The following JPH3 variants were observed in gnomAD, a reference collection of about 807,000 sequenced individuals.
The protein encoded by JPH3 is junctophilin 3.
JPH3 carries 11 observed loss-of-function variants against 59.6 expected under a neutral mutation model. The ratio of observed to expected loss-of-function variants is 0.18; its 90% CI spans 0.12 to 0.31. The LOEUF (loss-of-function observed/expected upper bound fraction) is 0.31. Ranked by LOEUF, JPH3 falls within the 10% of genes least tolerant of loss-of-function variation. The pLI is 1.00. For synonymous variants in JPH3, 673 were observed against 483.6 expected (o/e 1.39, Z -5.14); for missense variants, 1,202 against 1,105.7 (o/e 1.09, Z -1.24).
chr16:87,658,135 C>G (rs1075572), intron 2 of JPH3, among the ~76,000 whole-genome samples: 3 of 151,948 alleles, frequency 2.0e-5, no homozygotes, highest in South Asian at 2.1e-4. Flanking sequence ...TTAATGGGCC[C>G]AACACCAACC....
At chr16:87,671,027 GCC>G (rs1263134981) in intron 2 of JPH3, among the ~76,000 whole-genome samples, 1 of 152,204 alleles carries the variant, frequency 6.6e-6, no homozygotes, top group African/African-American at 2.4e-5. Context: ...TGGGGCTGTG[GCC>G]CGTACAGTCG....
chr16:87,689,450 T>G (rs1001189699), intron 3 of JPH3, among the ~76,000 whole-genome samples, 196 bp from the exon 4 acceptor site: 9 of 151,928 alleles, frequency 5.9e-5, no homozygotes, highest in African/African-American at 1.7e-4. Context: ...GTCTGTGGGG[T>G]GGGGACCACG....
At position 87,602,968 on chromosome 16, in the gene JPH3, T is replaced by C; in HGVS notation, c.-179T>C. The C allele has an allele frequency of 3.3e-6, 2 of 603,748 alleles. No homozygotes were observed. Among genetic ancestry groups the C allele is most frequent in the Non-Finnish European group, 5.5e-6 (2 of 362,018 alleles). The allele number at this position is 603,748 out of a possible 1,614,324, so 37.4% of individuals were successfully genotyped here. ...AAAGGAATAATCGCCCCCGATTGAC[T>C]GAAATTCCTCCGGAGCCGGCGCCGC... On this transcript the variant is annotated 5_prime_UTR_variant, in exon 1 of 5. Coordinates refer to ENST00000284262, the MANE Select transcript of JPH3 (RefSeq NM_020655.4).
intron 4 of JPH3, chr16:87,696,130 G>A (rs1423546266): frequency 4.4e-6 from 2 of 458,462 alleles, no homozygotes; most frequent in Non-Finnish European, 8.7e-6. Flanking sequence ...GGGCCTCTCT[G>A]CTGGGCTGCA....
chr16:87,688,912 G>A (rs904682890), intron 3 of JPH3, among the ~76,000 whole-genome samples: 48 of 152,188 alleles, frequency 3.2e-4, no homozygotes, highest in African/African-American at 1.1e-3. Context: ...GGGGGCTCAC[G>A]GAGCTCCGGA....
chr16:87,662,762 C>G lies in JPH3; in HGVS notation c.1160+17727C>G, dbSNP rs556852222. Among the ~76,000 whole-genome samples, 13 of 152,368 alleles carry G rather than the reference C, an allele frequency of 8.5e-5. No homozygotes were observed. The South Asian group carries it at 1.9e-3, about 22-fold the overall frequency. ...GAAGTTAAAATGTAGCTCAGACCCT[C>G]CTCAGCCCCCACGCAGGGTTGCAAC... is the stretch of plus-strand genomic sequence containing the variant. On this transcript the variant is annotated intron_variant, in intron 2 of 4. Transcript: ENST00000284262.
chr16:87,615,844 G>A (rs1297463033), intron 1 of JPH3, among the ~76,000 whole-genome samples: 1 of 152,226 alleles, frequency 6.6e-6, no homozygotes, highest in Non-Finnish European at 1.5e-5. Context: ...GACCGGGTCT[G>A]TTGGGGTCAG....
chr16:87,644,233 C>T (rs1403657446), intron 1 of JPH3, 25 bp from the exon 2 acceptor site: 3 of 1,582,010 alleles, frequency 1.9e-6, no homozygotes, highest in Admixed American at 1.7e-5. Context: ...GCTGGGCACT[C>T]ACCCCTCTCT....
At chr16:87,616,287 G>A (rs1289520124) in intron 1 of JPH3, among the ~76,000 whole-genome samples, 2 of 150,354 alleles carry the variant, frequency 1.3e-5, no homozygotes, top group Non-Finnish European at 3.0e-5. Context: ...AGGCGGGAGA[G>A]CAGTGGCGCG....
At position 87,603,427 on chromosome 16, in the gene JPH3, G is replaced by C; in HGVS notation, c.281G>C (p.Arg94Pro). The part of the protein sequence containing the change: ...KGEWTHGFKG[R>P]YGVRECAGNG... ...GAGTGGACGCACGGATTCAAGGGGCGCTACGGGGTGCGGGAGTGCGCGGGC... is the reference window on the plus strand; with the variant it reads ...GAGTGGACGCACGGATTCAAGGGGCCCTACGGGGTGCGGGAGTGCGCGGGC... The change falls in exon 1 of 5, where the codon CGC (arginine) becomes CCC (proline). Residue 94 changes from arginine (R) to proline (P), a missense_variant. Coordinates refer to ENST00000284262, the MANE Select transcript of JPH3 (RefSeq NM_020655.4). 1.3e-6 allele frequency: 2 copies of C among 1,577,672 alleles called. No individual in the cohort carries two copies. The highest frequency in any genetic ancestry group is 8.6e-7 in the Non-Finnish European group (1 of 1,162,354).
intron 2 of JPH3, among the ~76,000 whole-genome samples, chr16:87,680,408 C>A (rs1464288404): frequency 1.5e-5 from 2 of 134,020 alleles, no homozygotes; most frequent in Admixed American, 1.5e-4. Flanking sequence ...TGGTGGGCAG[C>A]CTGGCTGTGC....
At chr16:87,687,265 C>T (rs1273125758) in intron 3 of JPH3, among the ~76,000 whole-genome samples, 2 of 152,132 alleles carry the variant, frequency 1.3e-5, no homozygotes, top group Non-Finnish European at 2.9e-5. Context: ...CAGAACAGAG[C>T]CTCCAAGAGG....
rs555567489 is a variant in JPH3, at chr16:87,697,489, G to T, written c.*829G>T. 1 of 152,420 alleles carries T rather than the reference G, an allele frequency of 6.6e-6. No homozygotes were observed. The allele number at this position is 152,420 out of a possible 1,614,324, so 9.4% of individuals were successfully genotyped here. A position where few individuals can be genotyped will look rare whatever the true frequency, so the allele number is the denominator to read the frequency against. ...GGGGCTGTGCCGTGGAGCTGGGCTC[G>T]CGCCGGGGCTCTGGGTGTGTGCGCT... On this transcript the variant is annotated 3_prime_UTR_variant, in exon 5 of 5. Transcript: ENST00000284262.
chr16:87,686,142 A>G (rs2033411325), intron 3 of JPH3, among the ~76,000 whole-genome samples: 1 of 152,166 alleles, frequency 6.6e-6, no homozygotes, highest in African/African-American at 2.4e-5. Flanking sequence ...AACTTCCAGA[A>G]ACACGAGTTT....
chr16:87,696,872 A>T lies in JPH3; in HGVS notation c.*212A>T, dbSNP rs551657954. On this transcript the variant is annotated 3_prime_UTR_variant, in exon 5 of 5. Transcript: ENST00000284262. ...ATTTTAGCCAAAATTCTTTGCTTGT[A>T]TAACACTCTGCTGTGTGGCATGGCA... 5.3e-6 allele frequency: 3 copies of T among 564,364 alleles called. No individual in the cohort carries two copies. The highest frequency in any genetic ancestry group is 9.6e-6 in the Non-Finnish European group (3 of 312,692). 35.0% of individuals were successfully genotyped at this position (564,364 alleles called of 1,614,324 possible).
Position 87,696,618 on chromosome 16 carries a change from C to T in JPH3, c.2205C>T (p.Leu735=). ...APILVVMVIL[L]NIGVAILFIN... ...TCCTGGTGGTCATGGTGATCTTGCT[C>T]AACATCGGAGTCGCCATTCTGTTTA... The change falls in exon 5 of 5, where the codon CTC becomes CTT. Residue 735 remains leucine, a synonymous_variant. Transcript: ENST00000284262. The T allele has an allele frequency of 1.2e-6, 2 of 1,613,682 alleles. No homozygotes were observed. Among genetic ancestry groups the T allele is most frequent in the African/African-American group, 1.3e-5 (1 of 75,024 alleles).
intron 1 of JPH3, among the ~76,000 whole-genome samples, chr16:87,621,959 A>G (rs984273903): frequency 1.3e-5 from 2 of 152,142 alleles, no homozygotes; most frequent in African/African-American, 4.8e-5. Flanking sequence ...ATGGTTGGTG[A>G]TCGTGGGTGG....
intron 2 of JPH3, among the ~76,000 whole-genome samples, chr16:87,660,716 C>T (rs971226658): frequency 6.6e-6 from 1 of 152,220 alleles, no homozygotes; most frequent in Admixed American, 6.5e-5. Context: ...GACCCCCAAT[C>T]ACACTGTCAT....
intron 2 of JPH3, among the ~76,000 whole-genome samples, chr16:87,662,149 C>G (rs1043826173): frequency 6.6e-6 from 1 of 152,202 alleles, no homozygotes; most frequent in Non-Finnish European, 1.5e-5. Flanking sequence ...CCTGCCTGCC[C>G]TGGGCACAGG....
Sources: allele counts gnomAD v4.1 joint callset (sites outside exome capture counted in the v4.1 genomes callset), GRCh38; gene constraint gnomAD v4.1.1; transcripts MANE v1.5; gene names NCBI Gene and HGNC (gene_info 2026-07-23, HGNC 2026-07-21).